The following RALGAPA2 variants were observed in gnomAD, a reference collection of about 807,000 sequenced individuals.
The protein encoded by RALGAPA2 is ral GTPase-activating protein subunit alpha-2.
Under a neutral mutation model 230.4 loss-of-function variants are expected in RALGAPA2, and 139 were observed. The ratio of observed to expected loss-of-function variants is 0.60; its 90% CI spans 0.53 to 0.69. The LOEUF (loss-of-function observed/expected upper bound fraction) is 0.69. Ranked by LOEUF, RALGAPA2 falls within the 30% of genes least tolerant of loss-of-function variation. The pLI is 0.00. For missense variants in RALGAPA2, 2,163 were observed against 2,276.0 expected (o/e 0.95, Z 1.01); for synonymous variants, 847 against 837.8 (o/e 1.01, Z -0.19).
intron 37 of RALGAPA2, among the ~76,000 whole-genome samples, chr20:20,453,544 G>C (rs1455740480): frequency 6.6e-6 from 1 of 152,002 alleles, no homozygotes; most frequent in Admixed American, 6.5e-5. Context: ...CTTTTCCGCT[G>C]AAAGTCGTTT....
chr20:20,533,463 G>A (rs73124404), intron 26 of RALGAPA2, among the ~76,000 whole-genome samples: 107 of 151,982 alleles, frequency 7.0e-4, no homozygotes, highest in Non-Finnish European at 1.4e-3. Flanking sequence ...AAACTTTTAC[G>A]CAACTAATCA....
intron 36 of RALGAPA2, among the ~76,000 whole-genome samples, chr20:20,473,281 C>T (rs1178985505): frequency 6.6e-6 from 1 of 152,206 alleles, no homozygotes; most frequent in African/African-American, 2.4e-5. Context: ...GCATGATACA[C>T]AGACATGCTT....
In RALGAPA2 at chr20:20,601,793, T is replaced by C; in HGVS notation, c.2092A>G (p.Ser698Gly). The change falls in exon 16 of 40, where the codon AGC becomes GGC. Residue 698 changes from serine to glycine, a missense_variant. Physicochemically the swap from Ser to Gly is moderately conservative, Grantham distance 56. Coordinates refer to ENST00000202677, the MANE Select transcript of RALGAPA2 (RefSeq NM_020343.4). ...GTTVGRSFSL[S>G]WRSHPDVTEP... ...GTCACATCTGGGTGGCTCCGCCAGCTGAGAGAAAAGGACCTCCCCACGGTG... is the reference window on the plus strand; with the variant it reads ...GTCACATCTGGGTGGCTCCGCCAGCCGAGAGAAAAGGACCTCCCCACGGTG... 1.9e-6 allele frequency: 3 copies of C among 1,613,692 alleles called. No individual in the cohort carries two copies. Among genetic ancestry groups the C allele is most frequent in the Non-Finnish European group, 2.5e-6 (3 of 1,179,700 alleles).
intron 37 of RALGAPA2, among the ~76,000 whole-genome samples, chr20:20,442,330 C>G (rs1270093561): frequency 6.6e-6 from 1 of 152,220 alleles, no homozygotes; most frequent in Non-Finnish European, 1.5e-5. Flanking sequence ...TGGGAATGTT[C>G]TACACTTTCA....
At chr20:20,535,891 T>C (rs2063484963) in intron 25 of RALGAPA2, 88 bp from the exon 26 acceptor site, 1 of 1,460,282 alleles carries the variant, frequency 6.8e-7, no homozygotes, top group Non-Finnish European at 9.1e-7. Flanking sequence ...AGCCAGGAGC[T>C]ACTGAAGTTC....
At chr20:20,567,799 G>A (rs927481256) in intron 23 of RALGAPA2, among the ~76,000 whole-genome samples, 4 of 149,938 alleles carry the variant, frequency 2.7e-5, no homozygotes, top group Non-Finnish European at 5.9e-5. Context: ...CTATGATTGT[G>A]TCACTGCGCT....
chr20:20,542,188 G>T (rs201159949), intron 24 of RALGAPA2, among the ~76,000 whole-genome samples: 3 of 151,910 alleles, frequency 2.0e-5, no homozygotes, highest in African/African-American at 4.8e-5. Flanking sequence ...AATACCTAGG[G>T]ATACAACTTA....
chr20:20,572,864 G>A lies in RALGAPA2; in HGVS notation c.2901+11C>T, dbSNP rs2064691069. ...CTGGATTAGAATAAAAAGTAACATA[G>A]CAGAACTTACCTTTGCTAGTTTGTA... On this transcript the variant is annotated intron_variant, in intron 21 of 39. Coordinates refer to ENST00000202677, the MANE Select transcript of RALGAPA2 (RefSeq NM_020343.4). The A allele has an allele frequency of 2.0e-6, 3 of 1,498,016 alleles. No homozygotes were observed. In the African/African-American group the frequency reaches 4.2e-5, roughly 21 times the overall value. The allele number at this position is 1,498,016 out of a possible 1,614,324, so 92.8% of individuals were successfully genotyped here. A position where few individuals can be genotyped will look rare whatever the true frequency, so the allele number is the denominator to read the frequency against.
At chr20:20,517,802 G>A (rs1233329262) in intron 31 of RALGAPA2, among the ~76,000 whole-genome samples, 1 of 150,446 alleles carries the variant, frequency 6.6e-6, no homozygotes, top group Admixed American at 6.6e-5. Flanking sequence ...CTTGAAGAGG[G>A]GGAAAAAAGA....
chr20:20,503,488 A>G lies in RALGAPA2; in HGVS notation c.5071T>C (p.Cys1691Arg), dbSNP rs1229416434. ...LGWEVDLSTH[C>R]GFMGGLQRNG... is the part of the protein sequence containing the mutation. ...CGCTGAAGGCCACCCATGAACCCAC[A>G]GTGGGTGGAGAGATCCACCTGACAA... The change falls in exon 35 of 40, where the codon TGT (cysteine) becomes CGT (arginine). Residue 1691 changes from cysteine (C) to arginine (R), a missense_variant. Physicochemically the swap from Cys to Arg is radical, Grantham distance 180 (BLOSUM62 -3). Transcript: ENST00000202677. 15 of 1,579,840 alleles carry G rather than the reference A, an allele frequency of 9.5e-6. No individual in the cohort carries two copies. The highest frequency in any genetic ancestry group is 1.3e-5 in the Non-Finnish European group (15 of 1,164,452).
intron 37 of RALGAPA2, among the ~76,000 whole-genome samples, chr20:20,428,718 ATC>A (rs2060440390): frequency 8.6e-6 from 1 of 115,844 alleles, no homozygotes; most frequent in Non-Finnish European, 1.8e-5. Context: ...CCTGCCACCC[ATC>A]TATTCACCCA....
At position 20,635,615 on chromosome 20, in the gene RALGAPA2, T is replaced by C. The variant is rs2066832808; in HGVS notation, c.808A>G (p.Ile270Val). Residue 270 changes from isoleucine to valine, a missense_variant and splice_region_variant, in exon 9 of 40, where the codon ATC becomes GTC. Transcript: ENST00000202677. ...ACAGGCTTTGGTCTCAAATGGGGGA[T>C]GTCTGGTAGAAGAAAGAACACATGA... ...LTNIYKPVLD[I>V]PHLRPKPVYI... 2.6e-6 allele frequency: 4 copies of C among 1,535,080 alleles called. No individual in the cohort carries two copies. The highest frequency in any genetic ancestry group is 3.5e-6 in the Non-Finnish European group (4 of 1,143,732).
At position 20,639,890 on chromosome 20, in the gene RALGAPA2, A is replaced by C. The variant is rs780457475; in HGVS notation, c.561T>G (p.Tyr187Ter). ...GTAGGAGTGGAGTGATTTCTTCTGG[A>C]TATATCTTTACTGAAAGGACAGAAA... The part of the protein sequence containing the change: ...PSPSVADVKI[Y>*]PEEITPLLPA... Residue 187 changes from tyrosine to a stop codon, truncating the protein, a stop_gained, in exon 7 of 40, where the codon TAT becomes TAG. Coordinates refer to ENST00000202677, the MANE Select transcript of RALGAPA2 (RefSeq NM_020343.4). LOFTEE classifies it high-confidence loss of function. 15 of 1,609,238 alleles carry C rather than the reference A, an allele frequency of 9.3e-6. No homozygotes were observed. Among genetic ancestry groups the C allele is most frequent in the Non-Finnish European group, 1.1e-5 (13 of 1,175,636 alleles).
Position 20,645,106 on chromosome 20 carries a change from C to CTTTTT in RALGAPA2, c.329-1562_329-1558dup, listed in dbSNP as rs71198064. 1.3e-4 allele frequency among the ~76,000 whole-genome samples: 8 copies of CTTTTT among 59,462 alleles called. 1 individual carries two copies. Among genetic ancestry groups the CTTTTT allele is most frequent in the Non-Finnish European group, 2.3e-4 (7 of 29,984 alleles). The allele number at this position is 59,462 out of a possible 152,430, so 39.0% of individuals were successfully genotyped here. ...TGGCTTGTTTTTGGTGGTGGTGGTG[C>CTTTTT]TTTTTTTTTTTTTTTTTTTTTTTTT... is the stretch of plus-strand genomic sequence containing the variant. On this transcript the variant is annotated intron_variant, in intron 4 of 39. Coordinates refer to ENST00000202677, the MANE Select transcript of RALGAPA2 (RefSeq NM_020343.4).
In RALGAPA2 at chr20:20,531,744, C is replaced by T. The variant is rs534978185; in HGVS notation, c.3525G>A (p.Gln1175=). Residue 1175 remains glutamine, a synonymous_variant, in exon 27 of 40, where the codon CAG becomes CAA. Transcript: ENST00000202677. The part of the protein sequence containing the change: ...LGVWICEELA[Q]CTSHPQVKEA... ...CTTTCACCTGAGGGTGGCTTGTACA[C>T]TGTGCAAGCTCTTCACATATCCAGA... is the stretch of plus-strand genomic sequence containing the variant. The T allele has an allele frequency of 6.8e-5, 110 of 1,608,868 alleles. No individual in the cohort carries two copies. The South Asian group carries it at 1.1e-3, about 15-fold the overall frequency.
At chr20:20,572,740 A>G in intron 21 of RALGAPA2, 135 bp downstream of exon 21, 1 of 751,736 alleles carries the variant, frequency 1.3e-6, no homozygotes, top group African/African-American at 1.8e-5. Flanking sequence ...ATTCTTTGAT[A>G]ATCAAATGGA....
intron 3 of RALGAPA2, among the ~76,000 whole-genome samples, chr20:20,657,390 A>G (rs1302035474): frequency 6.6e-6 from 1 of 152,234 alleles, no homozygotes; most frequent in Non-Finnish European, 1.5e-5. Flanking sequence ...GCTGGAAACC[A>G]TCAGCTAACG....
In RALGAPA2 at chr20:20,513,308, TAA is replaced by T. The variant is rs1240974065; in HGVS notation, c.4085-26_4085-25del. On this transcript the variant is annotated intron_variant, in intron 31 of 39. Transcript: ENST00000202677. ...CTCTGTAAACAGCGGTAAAGAAACA[TAA>T]AGAGTCAGTGGTGAATGAAGATTAA... The T allele has an allele frequency of 6.4e-6, 9 of 1,396,138 alleles. No individual in the cohort carries two copies. In the East Asian group the frequency reaches 2.3e-4, roughly 35 times the overall value. 86.5% of individuals were successfully genotyped at this position (1,396,138 alleles called of 1,614,324 possible). A position where few individuals can be genotyped will look rare whatever the true frequency, so the allele number is the denominator to read the frequency against.
At chr20:20,467,468 T>C (rs1409689443) in intron 37 of RALGAPA2, among the ~76,000 whole-genome samples, 1 of 152,208 alleles carries the variant, frequency 6.6e-6, no homozygotes, top group Non-Finnish European at 1.5e-5. Flanking sequence ...TTATTCTACA[T>C]GATTTCTAAA....
Sources: gnomAD v4.1 joint callset for allele counts (sites outside exome capture counted in the v4.1 genomes callset) on GRCh38, gnomAD v4.1.1 for gene constraint, MANE v1.5 for transcripts, NCBI Gene and HGNC (gene_info 2026-07-23, HGNC 2026-07-21) for gene names.